Variants in MYH8 observed in about 807,000 individuals in gnomAD.
The protein encoded by MYH8 is myosin-8.
MYH8 carries 168 observed loss-of-function variants against 233.2 expected under a neutral mutation model. The ratio of observed to expected loss-of-function variants is 0.72; its 90% CI spans 0.64 to 0.82. MYH8 has a LOEUF of 0.82. Among genes scored for constraint, MYH8 ranks in the 40% least tolerant of loss-of-function variants. MYH8 has a pLI of 0.00. For synonymous variants in MYH8, 785 were observed against 850.6 expected (o/e 0.92, Z 1.34); for missense variants, 1,995 against 2,327.8 (o/e 0.86, Z 2.94).
chr17:10,408,968 AC>A (rs2072219394), intron 17 of MYH8, 128 bp downstream of exon 17: 1 of 833,234 alleles, frequency 1.2e-6, no homozygotes, highest in African/African-American at 1.7e-5. Flanking sequence ...CTTTGGCTAT[AC>A]TCTGACGAGA....
rs2072319080 is a variant in MYH8 at position 10,419,632 on chromosome 17, T to A, written c.210+386A>T. Among the ~76,000 whole-genome samples, 1 of 152,200 alleles carries A rather than the reference T, an allele frequency of 6.6e-6. No individual in the cohort carries two copies. The highest frequency in any genetic ancestry group is 2.4e-5 in the African/African-American group (1 of 41,454). On this transcript the variant is annotated intron_variant, in intron 3 of 39. Coordinates refer to ENST00000403437, the MANE Select transcript of MYH8 (RefSeq NM_002472.3). This position sits in a 1 kb window ranked among gnomAD's most constrained non-coding sequence, Gnocchi z 4.0. ...TTCTTATTTTAGTAGGCTAAATTTT[T>A]ATTTTTTTCTTTCATTCATTAAGAA...
rs761952855 is a variant in MYH8, at chr17:10,414,191, C to T, written c.1008+1G>A. The T allele has an allele frequency of 2.5e-6, 4 of 1,613,622 alleles. No individual in the cohort carries two copies. The highest frequency in any genetic ancestry group is 3.4e-6 in the Non-Finnish European group (4 of 1,179,534). ...TTTTAAAATTAGTGTTTTTGACTTACATCAGTGGCCATCAACTCTTCTTGG... is the reference window on the plus strand; with the variant it reads ...TTTTAAAATTAGTGTTTTTGACTTATATCAGTGGCCATCAACTCTTCTTGG... On this transcript the variant is annotated splice_donor_variant, in intron 11 of 39. Coordinates refer to ENST00000403437, the MANE Select transcript of MYH8 (RefSeq NM_002472.3). LOFTEE classifies it high-confidence loss of function.
intron 22 of MYH8, 96 bp downstream of exon 22, chr17:10,404,233 AT>A (rs1344449164): frequency 4.0e-6 from 6 of 1,502,790 alleles, no homozygotes; most frequent in East Asian, 2.3e-5. Context: ...GCAACTTGAG[AT>A]TTTTTTTCAA....
At chr17:10,408,070 A>G (rs942315154) in intron 17 of MYH8, among the ~76,000 whole-genome samples, 8 of 151,186 alleles carry the variant, frequency 5.3e-5, no homozygotes, top group African/African-American at 1.9e-4. Flanking sequence ...CCTCCCGAGT[A>G]GCTGGGACTA....
rs1467640098 is a variant in MYH8 at position 10,421,917 on chromosome 17, C to T, written c.-75+13G>A. ...CCTGGGGTTTTTCGAGTTCCAAGGC[C>T]TTCATCACTTACCTCTGGGTTCTTG... On this transcript the variant is annotated intron_variant, in intron 1 of 39. Coordinates refer to ENST00000403437, the MANE Select transcript of MYH8 (RefSeq NM_002472.3). 6.6e-6 allele frequency: 1 copy of T among 151,986 alleles called. No homozygotes were observed. Among genetic ancestry groups the T allele is most frequent in the Non-Finnish European group, 1.5e-5 (1 of 68,034 alleles). The allele number at this position is 151,986 out of a possible 1,614,324, so 9.4% of individuals were successfully genotyped here.
At chr17:10,395,638 G>A (rs1475003771) in intron 33 of MYH8, among the ~76,000 whole-genome samples, 197 bp from the exon 34 acceptor site, 2 of 152,018 alleles carry the variant, frequency 1.3e-5, no homozygotes, top group Non-Finnish European at 2.9e-5. Context: ...TGCAATAAAG[G>A]TGCATTGTGC....
intron 5 of MYH8, among the ~76,000 whole-genome samples, chr17:10,416,722 A>G (rs184239270): frequency 1.3e-5 from 2 of 152,326 alleles, no homozygotes; most frequent in East Asian, 3.9e-4. Flanking sequence ...AGAAGTAGAG[A>G]CAATAATATA....
intron 2 of MYH8, among the ~76,000 whole-genome samples, chr17:10,420,616 C>T (rs1597406818): frequency 6.6e-6 from 1 of 152,176 alleles, no homozygotes. Context: ...TTGTCTATGC[C>T]ATATGCCAGG....
At position 10,414,229 on chromosome 17, in the gene MYH8, G is replaced by A. The variant is rs1223236011; in HGVS notation, c.971C>T (p.Pro324Leu). 1 of 1,614,136 alleles carries A rather than the reference G, an allele frequency of 6.2e-7. No individual in the cohort carries two copies. The highest frequency in any genetic ancestry group is 1.1e-5 in the South Asian group (1 of 91,072). Residue 324 changes from proline to leucine, a missense_variant, in exon 11 of 40, where the codon CCC (proline) becomes CTC (leucine). Pro to Leu is a moderately conservative substitution (Grantham distance 98). Transcript: ENST00000403437. ...AFVSQGEITVPSIDDQEELMA... is the reference protein window; with the variant it reads ...AFVSQGEITVLSIDDQEELMA... ...CAACTCTTCTTGGTCATCAATACTG[G>A]GAACTGTGATCTCCCCCTGACTGAC... is the stretch of plus-strand genomic sequence containing the variant.
At chr17:10,394,214 A>G (rs1341712042) in intron 35 of MYH8, 35 bp downstream of exon 35, 2 of 1,613,058 alleles carry the variant, frequency 1.2e-6, no homozygotes, top group African/African-American at 2.7e-5. Context: ...ATCAGCTACC[A>G]GTACACCAGC....
intron 2 of MYH8, among the ~76,000 whole-genome samples, chr17:10,420,965 T>C (rs1466778579): frequency 6.6e-6 from 1 of 152,180 alleles, no homozygotes; most frequent in East Asian, 1.9e-4. Flanking sequence ...AAGGCCCTTC[T>C]TCCCACATAA....
intron 17 of MYH8, 121 bp downstream of exon 17, chr17:10,408,976 G>T (rs1380923258): frequency 6.7e-6 from 6 of 895,250 alleles, no homozygotes; most frequent in Admixed American, 6.2e-5. Flanking sequence ...ATACTCTGAC[G>T]AGAGCTGATA....
At position 10,400,310 on chromosome 17, in the gene MYH8, C is replaced by T; in HGVS notation, c.3735+80G>A. Reference sequence around the variant, plus strand: ...AATATTTGAGTAGTGCTGTAAAATGCCTGCAAACAATGTTTAGTGATAGAG... The same window carrying T: ...AATATTTGAGTAGTGCTGTAAAATGTCTGCAAACAATGTTTAGTGATAGAG... On this transcript the variant is annotated intron_variant, in intron 27 of 39. Coordinates refer to ENST00000403437, the MANE Select transcript of MYH8 (RefSeq NM_002472.3). The surrounding 1 kb of genome is among the most constrained non-coding windows in gnomAD (Gnocchi z 4.0). The T allele has an allele frequency of 6.5e-7, 1 of 1,547,580 alleles. No homozygotes were observed. The highest frequency in any genetic ancestry group is 1.1e-5 in the South Asian group (1 of 89,796).
Position 10,420,003 on chromosome 17 carries a change from CCT to C in MYH8, c.210+13_210+14del, listed in dbSNP as rs2072322205. The C allele has an allele frequency of 6.2e-7, 1 of 1,612,460 alleles. No homozygotes were observed. Among genetic ancestry groups the C allele is most frequent in the East Asian group, 2.2e-5 (1 of 44,886 alleles). ...GAAATAAAATGGGGAGTATTTTCTC[CCT>C]GTTTTCACTTACTGCTCCACCTTCA... On this transcript the variant is annotated intron_variant, in intron 3 of 39. Coordinates refer to ENST00000403437, the MANE Select transcript of MYH8 (RefSeq NM_002472.3).
chr17:10,392,592 C>T lies in MYH8; in HGVS notation c.5518G>A (p.Val1840Ile), dbSNP rs576121941. ...CGCTCATGTTTCCGTAAACCTTTAACAGCCTCTGCATTACGTTTCTGTTCA... is the reference window on the plus strand; with the variant it reads ...CGCTCATGTTTCCGTAAACCTTTAATAGCCTCTGCATTACGTTTCTGTTCA... ...ENEQKRNAEA[V>I]KGLRKHERRV... Residue 1840 changes from valine to isoleucine, a missense_variant, in exon 38 of 40, where the codon GTT (valine) becomes ATT (isoleucine). Coordinates refer to ENST00000403437, the MANE Select transcript of MYH8 (RefSeq NM_002472.3). The T allele has an allele frequency of 1.2e-6, 2 of 1,614,124 alleles. No homozygotes were observed. Among genetic ancestry groups the T allele is most frequent in the South Asian group, 2.2e-5 (2 of 91,082 alleles).
intron 14 of MYH8, among the ~76,000 whole-genome samples, chr17:10,411,932 T>A (rs917228947): frequency 1.3e-5 from 2 of 152,186 alleles, no homozygotes; most frequent in African/African-American, 4.8e-5. Flanking sequence ...AGAGACAGAC[T>A]ATCATCTGTC....
intron 34 of MYH8, 27 bp downstream of exon 34, chr17:10,395,106 C>G: frequency 6.2e-7 from 1 of 1,612,184 alleles, no homozygotes; most frequent in South Asian, 1.1e-5. Context: ...CCTGCTTCAT[C>G]TGGGAGGCGA....
rs199540131 is a variant in MYH8, at chr17:10,418,986, C to T, written c.255G>A (p.Pro85=). 9.9e-6 allele frequency: 16 copies of T among 1,614,036 alleles called. No homozygotes were observed. The highest frequency in any genetic ancestry group is 1.6e-4 in the Middle Eastern group (1 of 6,084). Residue 85 remains proline (P), a synonymous_variant, in exon 4 of 40, where the codon CCG becomes CCA. Coordinates refer to ENST00000403437, the MANE Select transcript of MYH8 (RefSeq NM_002472.3). ...CCATGTCCTCAATTTTGTCATATTTCGGAGGGTTCATAGGGAAGACTTGGT... is the reference window on the plus strand; with the variant it reads ...CCATGTCCTCAATTTTGTCATATTTTGGAGGGTTCATAGGGAAGACTTGGT... ...REDQVFPMNP[P]KYDKIEDMAM... is the part of the protein sequence containing the mutation.
Position 10,410,906 on chromosome 17 carries a change from C to T in MYH8, c.1458G>A (p.Glu486=). ...LEQLCINFTN[E]KLQQFFNHHM... ...GGTGGTTGAAAAACTGTTGCAGTTTCTCGTTGGTGAAGTTGATGCACAGCT... is the reference window on the plus strand; with the variant it reads ...GGTGGTTGAAAAACTGTTGCAGTTTTTCGTTGGTGAAGTTGATGCACAGCT... Residue 486 remains glutamate (E), a synonymous_variant, in exon 15 of 40, where the codon GAG becomes GAA. Coordinates refer to ENST00000403437, the MANE Select transcript of MYH8 (RefSeq NM_002472.3). 1 of 1,614,066 alleles carries T rather than the reference C, an allele frequency of 6.2e-7. No individual in the cohort carries two copies. The highest frequency in any genetic ancestry group is 1.1e-5 in the South Asian group (1 of 91,050).
Sources: gnomAD v4.1 joint callset for allele counts (sites outside exome capture counted in the v4.1 genomes callset) on GRCh38, gnomAD v4.1.1 for gene constraint, Gnocchi (gnomAD v3.1) non-coding constraint, MANE v1.5 for transcripts, NCBI Gene and HGNC (gene_info 2026-07-23, HGNC 2026-07-21) for gene names.